The following DST variants were observed in gnomAD, a reference collection of about 807,000 sequenced individuals.
DST encodes dystonin, also known as bullous pemphigoid antigen.
In DST, 253 loss-of-function variants were observed where a neutral mutation model predicts 875.2. That is an observed-to-expected ratio of 0.29 (90% CI 0.26 to 0.32). The LOEUF (loss-of-function observed/expected upper bound fraction) is 0.32. DST is among the 10% of genes least tolerant of loss of function. The pLI, the probability that DST is intolerant of heterozygous loss-of-function variation, is 1.00. For missense variants in DST, 8,287 were observed against 9,111.6 expected, an observed-to-expected ratio of 0.91 and a Z score of 3.68; for synonymous variants, 3,124 against 3,197.1, an observed-to-expected ratio of 0.98 and a Z score of 0.77.
intron 69 of DST, among the ~76,000 whole-genome samples, chr6:56,519,521 T>C (rs1044514172): frequency 1.3e-5 from 2 of 152,016 alleles, no homozygotes; most frequent in African/African-American, 4.8e-5. Context: ...CACTAAGCAA[T>C]AACGAACTGC....
intron 2 of DST, among the ~76,000 whole-genome samples, chr6:56,914,187 C>A (rs1249060725): frequency 6.6e-6 from 1 of 152,126 alleles, no homozygotes; most frequent in East Asian, 1.9e-4. Context: ...ATTTATGGAA[C>A]CAACAATGCA....
In DST at chr6:56,602,877, C is replaced by A. The variant is rs751928123; in HGVS notation, c.11307+5G>T. The stretch of plus-strand genomic sequence containing the variant: ...ATATTTTGTCATCTTTGTTTTGATA[C>A]TTGCCTTGAGAAACTCCAAACGTTT... On this transcript the variant is annotated splice_donor_5th_base_variant and intron_variant, in intron 43 of 103. Transcript: ENST00000680361. The A allele has an allele frequency of 4.7e-6, 7 of 1,502,536 alleles. No individual in the cohort carries two copies. Among genetic ancestry groups the A allele is most frequent in the Non-Finnish European group, 5.3e-6 (6 of 1,131,842 alleles). The allele number at this position is 1,502,536 out of a possible 1,614,324, so 93.1% of individuals were successfully genotyped here.
chr6:56,939,711 T>A (rs1173497656), intron 2 of DST, among the ~76,000 whole-genome samples: 1 of 152,062 alleles, frequency 6.6e-6, no homozygotes, highest in Non-Finnish European at 1.5e-5. Context: ...TGTCTATAGA[T>A]TACTCTTCCA....
rs771210305 is a variant in DST, at chr6:56,529,673, C to T, written c.17370G>A (p.Met5790Ile). ...GAGAGAAGTCTAATTTACTCTGCAC[C>T]ATATCTTTATCCTCCCTGGAGCTCA... ...KVLSSREDKD[M>I]VQSKLDFSQV... Residue 5790 changes from methionine (M) to isoleucine (I), a missense_variant, in exon 66 of 104, where the codon ATG becomes ATA. Transcript: ENST00000680361. The T allele has an allele frequency of 6.2e-7, 1 of 1,613,622 alleles. No homozygotes were observed. The highest frequency in any genetic ancestry group is 1.1e-5 in the South Asian group (1 of 91,048).
intron 10 of DST, 36 bp downstream of exon 10, chr6:56,670,605 A>T: frequency 7.4e-7 from 1 of 1,344,040 alleles, no homozygotes; most frequent in Non-Finnish European, 1.0e-6. Context: ...AATGTGTCTT[A>T]CAGTTGTATA....
chr6:56,650,925 CA>C lies in DST; in HGVS notation c.1434del (p.Asn478LysfsTer14). On this transcript the variant is annotated frameshift_variant and splice_region_variant, in exon 12 of 104. Transcript: ENST00000680361. LOFTEE classifies it high-confidence loss of function. ...VPEGGEGIGA[N>X]DVEVKWIEYQ... is the part of the protein sequence containing the mutation. ...TCCGGTGTGGAAAAATCAATACTCACATTTGCACCAATGCCTTCCCCACCTT... is the reference window on the plus strand; with the variant it reads ...TCCGGTGTGGAAAAATCAATACTCACTTTGCACCAATGCCTTCCCCACCTT... 1 of 1,594,708 alleles carries C rather than the reference CA, an allele frequency of 6.3e-7. No homozygotes were observed. Among genetic ancestry groups the C allele is most frequent in the Non-Finnish European group, 8.6e-7 (1 of 1,163,360 alleles).
At chr6:56,519,863 T>C (rs1358643375) in intron 69 of DST, among the ~76,000 whole-genome samples, 3 of 152,128 alleles carry the variant, frequency 2.0e-5, no homozygotes, top group Non-Finnish European at 4.4e-5. Context: ...TCAAACTGAA[T>C]TAAAGAAGAT....
At position 56,508,590 on chromosome 6, in the gene DST, C is replaced by T. The variant is rs759918675; in HGVS notation, c.19178G>A (p.Arg6393Gln). The stretch of plus-strand genomic sequence containing the variant: ...ATCAATTCCAGGATCTTCCAGGTCC[C>T]GGATGAAATCTTGAGTATCTTTAAT... ...VTIKDTQDFI[R>Q]DLEDPGIDPS... Residue 6393 changes from arginine (R) to glutamine (Q), a missense_variant, in exon 75 of 104, where the codon CGG becomes CAG. Physicochemically the swap from Arg to Gln is conservative, Grantham distance 43 (BLOSUM62 1). Transcript: ENST00000680361. 27 of 1,613,684 alleles carry T rather than the reference C, an allele frequency of 1.7e-5. No individual in the cohort carries two copies. Among genetic ancestry groups the T allele is most frequent in the Non-Finnish European group, 1.9e-5 (22 of 1,179,796 alleles).
chr6:56,721,292 C>A (rs1026703918), intron 5 of DST, among the ~76,000 whole-genome samples: 19 of 152,256 alleles, frequency 1.2e-4, no homozygotes, highest in Non-Finnish European at 2.2e-4. Context: ...ACATGCTCTA[C>A]AATTTGTGCA....
chr6:56,535,921 T>C (rs2096987581), intron 62 of DST, among the ~76,000 whole-genome samples: 1 of 152,232 alleles, frequency 6.6e-6, no homozygotes, highest in South Asian at 2.1e-4. Context: ...GGCAAGATAT[T>C]GTAAGTGCTA....
chr6:56,629,412 T>A lies in DST; in HGVS notation c.4313A>T (p.Gln1438Leu). ...QWRSEVDEKRQVFHALEDELQ... is the reference protein window; with the variant it reads ...QWRSEVDEKRLVFHALEDELQ... The stretch of plus-strand genomic sequence containing the variant: ...CTCATCCTCTAAGGCATGGAATACC[T>A]GTCTCTTTTCATCTACTTCAGATCT... Residue 1438 changes from glutamine (Q) to leucine (L), a missense_variant, in exon 32 of 104, where the codon CAG (glutamine) becomes CTG (leucine). Gln to Leu is a moderately radical substitution (Grantham distance 113). Coordinates refer to ENST00000680361, the MANE Select transcript of DST (RefSeq NM_001374736.1). The A allele has an allele frequency of 6.2e-7, 1 of 1,613,534 alleles. No individual in the cohort carries two copies. The highest frequency in any genetic ancestry group is 8.5e-7 in the Non-Finnish European group (1 of 1,179,642).
chr6:56,704,956 C>T (rs1368714302), intron 5 of DST, among the ~76,000 whole-genome samples: 5 of 152,198 alleles, frequency 3.3e-5, no homozygotes, highest in Non-Finnish European at 7.3e-5. Flanking sequence ...CAATGTAAGT[C>T]TTCTTATAAC....
At chr6:56,615,498 GTTAT>G in intron 36 of DST, 1 of 1,613,872 alleles carries the variant, frequency 6.2e-7, no homozygotes, top group Non-Finnish European at 8.5e-7. Context: ...CCCTTGCACA[GTTAT>G]TTAAACATGT....
intron 3 of DST, among the ~76,000 whole-genome samples, chr6:56,884,784 A>G (rs1013540245): frequency 6.6e-6 from 1 of 151,866 alleles, no homozygotes; most frequent in Non-Finnish European, 1.5e-5. Flanking sequence ...GCTGGAGTGC[A>G]ATGGCGCGAT....
chr6:56,566,588 A>T (rs1585082804), intron 55 of DST, among the ~76,000 whole-genome samples: 1 of 151,984 alleles, frequency 6.6e-6, no homozygotes, highest in Non-Finnish European at 1.5e-5. Context: ...TGCAGAAATC[A>T]CCCGCCTTCT....
chr6:56,630,466 C>T, intron 30 of DST, 83 bp from the exon 31 acceptor site: 13 of 1,125,532 alleles, frequency 1.2e-5, no homozygotes, highest in Non-Finnish European at 1.4e-5. Flanking sequence ...CATTATGACA[C>T]ATGACATAAC....
chr6:56,459,056 C>G lies in DST; in HGVS notation c.23406G>C (p.Thr7802=). Residue 7802 remains threonine (T), a synonymous_variant, in exon 104 of 104, where the codon ACG becomes ACC. Transcript: ENST00000680361. ...TGCTGGCAGGTGATTTCCTCTGGGG[C>G]GTGGGGATTTTTGAAGGCTTCGCTG... is the stretch of plus-strand genomic sequence containing the variant. ...PSTAKPSKIP[T]PQRKSPASKL... 1 of 1,613,866 alleles carries G rather than the reference C, an allele frequency of 6.2e-7. No homozygotes were observed. Among genetic ancestry groups the G allele is most frequent in the Non-Finnish European group, 8.5e-7 (1 of 1,179,800 alleles).
At chr6:56,466,905 G>A (rs1334062933) in intron 98 of DST, 1 of 152,120 alleles carries the variant, frequency 6.6e-6, no homozygotes, top group Non-Finnish European at 1.5e-5. Flanking sequence ...TTCTCTCATA[G>A]TTGTCTGTAC....
intron 49 of DST, among the ~76,000 whole-genome samples, chr6:56,589,253 T>TA (rs1305718246): frequency 1.3e-5 from 2 of 152,214 alleles, no homozygotes; most frequent in Admixed American, 1.3e-4. Flanking sequence ...AAAAGAAGCA[T>TA]GTCTTCTTCA....
Sources: gnomAD v4.1 joint callset for allele counts (sites outside exome capture counted in the v4.1 genomes callset) on GRCh38, gnomAD v4.1.1 for gene constraint, MANE v1.5 for transcripts, NCBI Gene and HGNC (gene_info 2026-07-23, HGNC 2026-07-21) for gene names.